The following ANKIB1 variants were observed in gnomAD, a reference collection of about 807,000 sequenced individuals.
ANKIB1 encodes ankyrin repeat and IBR domain-containing protein 1.
Under a neutral mutation model 122.1 loss-of-function variants are expected in ANKIB1, and 43 were observed. The observed-to-expected ratio is 0.35, with a 90% CI of 0.28 to 0.45. The LOEUF is 0.45. Ranked by LOEUF, ANKIB1 falls within the 20% of genes least tolerant of loss-of-function variation. The probability of loss-of-function intolerance (pLI) is 1.00; values close to 1 mark genes in which losing one functional copy is unlikely to be tolerated. For synonymous variants in ANKIB1, 390 were observed against 442.0 expected (o/e 0.88, Z 1.48); for missense variants, 992 against 1,329.5 (o/e 0.75, Z 3.95).
intron 1 of ANKIB1, among the ~76,000 whole-genome samples, chr7:92,262,493 A>T (rs1426742803): frequency 2.0e-5 from 3 of 152,230 alleles, no homozygotes; most frequent in Non-Finnish European, 4.4e-5. Flanking sequence ...GAATTTGATT[A>T]TTATTAAAAT....
intron 2 of ANKIB1, among the ~76,000 whole-genome samples, chr7:92,296,274 G>A (rs563774259): frequency 2.6e-4 from 39 of 151,760 alleles, no homozygotes; most frequent in Admixed American, 1.2e-3. Flanking sequence ...TCAGGCTGGA[G>A]TGTAGTGGTG....
chr7:92,344,225 A>G (rs1183798966), intron 6 of ANKIB1, among the ~76,000 whole-genome samples: 1 of 82,808 alleles, frequency 1.2e-5, no homozygotes, highest in Non-Finnish European at 2.2e-5. Context: ...TTTTTTTGAG[A>G]CGGAGTTTCA....
intron 1 of ANKIB1, among the ~76,000 whole-genome samples, chr7:92,285,900 A>G (rs146868146): frequency 1.4e-4 from 22 of 152,324 alleles, no homozygotes; most frequent in Non-Finnish European, 2.5e-4. Flanking sequence ...CCCAGCTTCA[A>G]GCAAACTCAT....
At chr7:92,383,303 A>G (rs1037613430) in intron 11 of ANKIB1, among the ~76,000 whole-genome samples, 2 of 152,326 alleles carry the variant, frequency 1.3e-5, no homozygotes, top group African/African-American at 4.8e-5. Flanking sequence ...GCCAAATTGT[A>G]CCAGAGCTGC....
intron 10 of ANKIB1, among the ~76,000 whole-genome samples, chr7:92,366,667 A>G (rs1804091311): frequency 6.6e-6 from 1 of 152,070 alleles, no homozygotes; most frequent in Admixed American, 6.6e-5. Context: ...TCTTCCCACA[A>G]TTCTTCAAGT....
At chr7:92,265,252 T>A (rs545730516) in intron 1 of ANKIB1, among the ~76,000 whole-genome samples, 30 of 152,162 alleles carry the variant, frequency 2.0e-4, no homozygotes, top group Non-Finnish European at 2.9e-4. Flanking sequence ...GAATTACAGG[T>A]ATAAACTGCT....
intron 1 of ANKIB1, among the ~76,000 whole-genome samples, chr7:92,291,573 T>C (rs942995734): frequency 2.8e-4 from 41 of 146,302 alleles, no homozygotes; most frequent in Middle Eastern, 6.8e-3. Flanking sequence ...TTTTCTTTTT[T>C]TTTTTTTTTT....
chr7:92,318,671 G>C (rs1802841974), intron 3 of ANKIB1, among the ~76,000 whole-genome samples: 1 of 152,136 alleles, frequency 6.6e-6, no homozygotes, highest in South Asian at 2.1e-4. Flanking sequence ...TGCAAAGCTA[G>C]CAGAAACCTC....
intron 10 of ANKIB1, among the ~76,000 whole-genome samples, chr7:92,366,341 C>T (rs1804083053): frequency 6.6e-6 from 1 of 152,098 alleles, no homozygotes; most frequent in African/African-American, 2.4e-5. Context: ...CTAAGTGATA[C>T]ACTGGCCCTC....
intron 1 of ANKIB1, among the ~76,000 whole-genome samples, chr7:92,265,579 T>TA (rs1562764792): frequency 6.6e-6 from 1 of 152,010 alleles, no homozygotes; most frequent in East Asian, 1.9e-4. Context: ...GTGTGGAAAA[T>TA]AGATTGTAGT....
intron 8 of ANKIB1, among the ~76,000 whole-genome samples, chr7:92,352,201 A>T (rs1223818024): frequency 6.6e-6 from 1 of 152,212 alleles, no homozygotes; most frequent in South Asian, 2.1e-4. Context: ...AAACAATTAC[A>T]TTTTTGCTTT....
chr7:92,389,911 TTAA>T (rs1271485463), intron 14 of ANKIB1, 57 bp from the exon 15 acceptor site: 2 of 1,501,224 alleles, frequency 1.3e-6, no homozygotes, highest in East Asian at 4.7e-5. Context: ...CATTGTTTAA[TTAA>T]TATTATAAAT....
chr7:92,363,868 ATTAG>A (rs1804009941), intron 10 of ANKIB1, among the ~76,000 whole-genome samples: 1 of 152,236 alleles, frequency 6.6e-6, no homozygotes, highest in Admixed American at 6.5e-5. Flanking sequence ...AATGCCACTT[ATTAG>A]TTGATAATGA....
intron 1 of ANKIB1, among the ~76,000 whole-genome samples, chr7:92,256,762 A>G (rs1801456657): frequency 6.6e-6 from 1 of 152,220 alleles, no homozygotes; most frequent in African/African-American, 2.4e-5. Context: ...CTTGTGACAT[A>G]AGATTAGAGT....
chr7:92,397,130 A>T (rs995606017), intron 18 of ANKIB1, among the ~76,000 whole-genome samples: 1 of 152,178 alleles, frequency 6.6e-6, no homozygotes, highest in African/African-American at 2.4e-5. Context: ...TGCTTAACAA[A>T]AAAAGAGAAA....
At chr7:92,385,717 A>G (rs956858839) in intron 11 of ANKIB1, among the ~76,000 whole-genome samples, 12 of 152,108 alleles carry the variant, frequency 7.9e-5, no homozygotes, top group Non-Finnish European at 1.3e-4. Context: ...AACATCACAT[A>G]CTGGGGCCTG....
intron 3 of ANKIB1, among the ~76,000 whole-genome samples, chr7:92,314,648 C>T (rs1171133301): frequency 6.6e-6 from 1 of 152,286 alleles, no homozygotes; most frequent in East Asian, 1.9e-4. Context: ...GTATACATAC[C>T]TCTTACAGTC....
At chr7:92,396,729 A>G (rs1804903399) in intron 18 of ANKIB1, among the ~76,000 whole-genome samples, 1 of 152,138 alleles carries the variant, frequency 6.6e-6, no homozygotes, top group Non-Finnish European at 1.5e-5. Context: ...CAACCTCTCT[A>G]AGGTTGTTTC....
rs200047434 is a variant in ANKIB1, at chr7:92,246,434, G to A, written c.-176G>A. 280 of 517,274 alleles carry A rather than the reference G, an allele frequency of 5.4e-4. No homozygotes were observed. Among genetic ancestry groups the A allele is most frequent in the Non-Finnish European group, 9.5e-4 (247 of 259,538 alleles). The allele number at this position is 517,274 out of a possible 1,614,324, so 32.0% of individuals were successfully genotyped here. A position where few individuals can be genotyped will look rare whatever the true frequency, so the allele number is the denominator to read the frequency against. On this transcript the variant is annotated 5_prime_UTR_variant, in exon 1 of 20. Transcript: ENST00000265742. Reference sequence around the variant, plus strand: ...GCGGGCTGGGTACCTGAGGTCACCAGCTCGGCTGTAGAGGCAGGGGCGGCG... The same window carrying A: ...GCGGGCTGGGTACCTGAGGTCACCAACTCGGCTGTAGAGGCAGGGGCGGCG...
Sources: allele counts gnomAD v4.1 joint callset (sites outside exome capture counted in the v4.1 genomes callset), GRCh38; gene constraint gnomAD v4.1.1; transcripts MANE v1.5; gene names NCBI Gene and HGNC (gene_info 2026-07-23, HGNC 2026-07-21).